The following COG5 variants were observed in gnomAD, a reference collection of about 807,000 sequenced individuals.
COG5 encodes component of oligomeric golgi complex 5.
Under a neutral mutation model 110.4 loss-of-function variants are expected in COG5, and 86 were observed. The observed-to-expected ratio is 0.78, with a 90% CI of 0.65 to 0.93. The LOEUF is 0.93. COG5 is among the 40% of genes least tolerant of loss of function. The probability of loss-of-function intolerance (pLI) is 0.00; values close to 1 mark genes in which losing one functional copy is unlikely to be tolerated. For synonymous variants in COG5, 360 were observed against 334.6 expected, an observed-to-expected ratio of 1.08 and a Z score of -0.83; for missense variants, 1,077 against 987.0, an observed-to-expected ratio of 1.09 and a Z score of -1.22.
intron 7 of COG5, among the ~76,000 whole-genome samples, chr7:107,405,369 T>A (rs986488181): frequency 1.3e-5 from 2 of 152,182 alleles, no homozygotes; most frequent in Non-Finnish European, 2.9e-5. Context: ...GACACCTCTG[T>A]CTTGTTGCTC....
chr7:107,334,840 C>T (rs939108037), intron 10 of COG5, among the ~76,000 whole-genome samples: 4 of 151,648 alleles, frequency 2.6e-5, no homozygotes, highest in Admixed American at 6.6e-5. Context: ...TAAAACCCAC[C>T]GTTAAAATTA....
intron 6 of COG5, among the ~76,000 whole-genome samples, chr7:107,517,702 T>C (rs78435328): frequency 7.3e-6 from 1 of 136,606 alleles, no homozygotes; most frequent in African/African-American, 2.9e-5. Context: ...TCAACATTCC[T>C]TTTTTTTTTT....
chr7:107,366,779 A>G (rs1204333225), intron 8 of COG5, among the ~76,000 whole-genome samples: 2 of 152,024 alleles, frequency 1.3e-5, no homozygotes, highest in African/African-American at 2.4e-5. Flanking sequence ...TTCTTTCCCT[A>G]CCTCTTATCC....
intron 10 of COG5, among the ~76,000 whole-genome samples, chr7:107,353,314 A>C (rs1812328395): frequency 6.6e-6 from 1 of 151,344 alleles, no homozygotes; most frequent in Non-Finnish European, 1.5e-5. Flanking sequence ...AGTCCCAGCT[A>C]CTTGGGAGGC....
chr7:107,481,427 T>C (rs1797334062), intron 6 of COG5, among the ~76,000 whole-genome samples: 1 of 152,164 alleles, frequency 6.6e-6, no homozygotes, highest in African/African-American at 2.4e-5. Flanking sequence ...CTGGCCATAT[T>C]AAACGTAGAC....
chr7:107,534,784 T>C (rs1033260058), intron 5 of COG5, among the ~76,000 whole-genome samples: 2 of 151,474 alleles, frequency 1.3e-5, no homozygotes, highest in Admixed American at 1.3e-4. Context: ...AACAAGGATA[T>C]TCAGGACTTG....
rs767387206 is a variant in COG5 at position 107,412,608 on chromosome 7, AG to A, written c.562del (p.Leu188PhefsTer4). The A allele has an allele frequency of 1.3e-6, 2 of 1,559,120 alleles. No individual in the cohort carries two copies. The highest frequency in any genetic ancestry group is 2.2e-5 in the South Asian group (2 of 89,956). Reference protein sequence around the residue: ...ELDYLSQGIDLSGIEVIENDL... With the variant: ...ELDYLSQGIDXSGIEVIENDL... ...ATTTTCTATCACTTCTATTCCAGAA[AG>A]ATCTATTCCTTGAGAAAGATAATCT... is the stretch of plus-strand genomic sequence containing the variant. On this transcript the variant is annotated frameshift_variant, in exon 7 of 22. Transcript: ENST00000297135. LOFTEE classifies it high-confidence loss of function.
intron 12 of COG5, among the ~76,000 whole-genome samples, chr7:107,289,480 G>A (rs1008271594): frequency 6.6e-6 from 1 of 151,698 alleles, no homozygotes; most frequent in Admixed American, 6.6e-5. Context: ...ACTATTCTGG[G>A]TCCCTTGAAA....
Position 107,444,070 on chromosome 7 carries a change from T to A in COG5, c.539-31438A>T, listed in dbSNP as rs559493253. On this transcript the variant is annotated intron_variant, in intron 6 of 21. Coordinates refer to ENST00000297135, the MANE Select transcript of COG5 (RefSeq NM_006348.5). ...AAGACATAGACTTACACAGGAACAG[T>A]TCCATCAGAGTAAATATGTGTAGAA... is the stretch of plus-strand genomic sequence containing the variant. 4.6e-5 allele frequency among the ~76,000 whole-genome samples: 7 copies of A among 152,350 alleles called. No individual in the cohort carries two copies. The East Asian group carries it at 1.2e-3, about 25-fold the overall frequency.
chr7:107,400,797 G>C (rs941121133), intron 7 of COG5, among the ~76,000 whole-genome samples: 1 of 152,104 alleles, frequency 6.6e-6, no homozygotes, highest in Non-Finnish European at 1.5e-5. Flanking sequence ...TTCACAACAA[G>C]AGAATTTGTC....
chr7:107,263,011 C>T (rs1584590472), intron 14 of COG5, among the ~76,000 whole-genome samples: 1 of 152,166 alleles, frequency 6.6e-6, no homozygotes, highest in Non-Finnish European at 1.5e-5. Context: ...TTGGTTCCTT[C>T]CCCCAACCTC....
intron 2 of COG5, among the ~76,000 whole-genome samples, chr7:107,555,318 T>C (rs1280055629): frequency 1.3e-5 from 2 of 152,240 alleles, no homozygotes; most frequent in Non-Finnish European, 2.9e-5. Context: ...ATCCTTATTA[T>C]TGTGTGCCTT....
chr7:107,252,224 C>G (rs1046490423), intron 16 of COG5, among the ~76,000 whole-genome samples: 9 of 151,976 alleles, frequency 5.9e-5, no homozygotes, highest in Non-Finnish European at 1.0e-4. Flanking sequence ...ACAGTGGAAC[C>G]CTGTCTTTAA....
intron 7 of COG5, among the ~76,000 whole-genome samples, chr7:107,393,453 T>TA (rs1391218857): frequency 2.6e-5 from 4 of 152,238 alleles, no homozygotes; most frequent in Admixed American, 2.0e-4. Flanking sequence ...TTCCAGCTAT[T>TA]AAAAAGGCCT....
chr7:107,295,084 T>C (rs1584635894), intron 12 of COG5, among the ~76,000 whole-genome samples: 1 of 67,446 alleles, frequency 1.5e-5, no homozygotes, highest in African/African-American at 6.1e-5. Flanking sequence ...TATATATATA[T>C]ATATATATAT....
chr7:107,547,854 A>G (rs879539754), intron 5 of COG5: 47 of 451,444 alleles, frequency 1.0e-4, no homozygotes, highest in Middle Eastern at 5.9e-4. Flanking sequence ...ATTGAAAGCT[A>G]TAAAACATTG....
chr7:107,449,351 TAAAAG>T (rs1455024202), intron 6 of COG5, among the ~76,000 whole-genome samples: 2 of 152,084 alleles, frequency 1.3e-5, no homozygotes, highest in Admixed American at 1.3e-4. Context: ...GAACTTAAAG[TAAAAG>T]AAAAAAGAAA....
At chr7:107,268,412 G>GA (rs1803975835) in intron 14 of COG5, among the ~76,000 whole-genome samples, 1 of 152,054 alleles carries the variant, frequency 6.6e-6, no homozygotes, top group African/African-American at 2.4e-5. Flanking sequence ...GTAAAACCAG[G>GA]AAAAAAGGTT....
intron 16 of COG5, among the ~76,000 whole-genome samples, chr7:107,254,650 G>T (rs923480201): frequency 6.6e-6 from 1 of 152,226 alleles, no homozygotes; most frequent in Admixed American, 6.5e-5. Context: ...TGCAGCCCAA[G>T]ATTAGGGCAA....
Sources: allele counts gnomAD v4.1 joint callset (sites outside exome capture counted in the v4.1 genomes callset), GRCh38; gene constraint gnomAD v4.1.1; transcripts MANE v1.5; gene names NCBI Gene and HGNC (gene_info 2026-07-23, HGNC 2026-07-21).